SNRNP200: variants seen among roughly 807,000 people sequenced by gnomAD.
SNRNP200 encodes small nuclear ribonucleoprotein U5 subunit 200.
SNRNP200 carries 66 observed loss-of-function variants against 255.2 expected under a neutral mutation model. The observed-to-expected ratio is 0.26, with a 90% CI of 0.21 to 0.32. The LOEUF (loss-of-function observed/expected upper bound fraction) is 0.32. Among genes scored for constraint, SNRNP200 ranks in the 10% least tolerant of loss-of-function variants. SNRNP200 has a pLI of 1.00. For synonymous variants in SNRNP200, 939 were observed against 1,027.8 expected, an observed-to-expected ratio of 0.91 and a Z score of 1.65; for missense variants, 1,585 against 2,749.8, an observed-to-expected ratio of 0.58 and a Z score of 9.47.
intron 2 of SNRNP200, among the ~76,000 whole-genome samples, chr2:96,304,132 C>T (rs1205561960): frequency 6.6e-6 from 1 of 151,358 alleles, no homozygotes; most frequent in East Asian, 1.9e-4. Context: ...TCAAACTAAG[C>T]CTAGGAATTT....
Position 96,291,478 on chromosome 2 carries a change from G to A in SNRNP200, c.2335C>T (p.Pro779Ser), listed in dbSNP as rs745435693. 6.2e-7 allele frequency: 1 copy of A among 1,612,022 alleles called. No individual in the cohort carries two copies. Among genetic ancestry groups the A allele is most frequent in the South Asian group, 1.1e-5 (1 of 91,046 alleles). ...CKNLELKDLL[P>S]YGFAIHHAGM... Reference sequence around the variant, plus strand: ...GCGTGATGAATAGCAAAGCCATAAGGCAGAAGATCCTTCAGCTCTAGGTTC... The same window carrying A: ...GCGTGATGAATAGCAAAGCCATAAGACAGAAGATCCTTCAGCTCTAGGTTC... The change falls in exon 18 of 45, where the codon CCT becomes TCT. Residue 779 changes from proline (P) to serine (S), a missense_variant. Physicochemically the swap from Pro to Ser is moderately conservative, Grantham distance 74. Transcript: ENST00000323853. This position sits in a 1 kb window ranked among gnomAD's most constrained non-coding sequence, Gnocchi z 4.2.
chr2:96,293,247 C>G, intron 15 of SNRNP200, 69 bp downstream of exon 15: 1 of 1,581,446 alleles, frequency 6.3e-7, no homozygotes, highest in Non-Finnish European at 8.7e-7. Flanking sequence ...CCCAGTAGCA[C>G]TCCTTGGAAA....
chr2:96,284,024 GA>G lies in SNRNP200; in HGVS notation c.4393-21del. The G allele has an allele frequency of 3.1e-6, 3 of 980,552 alleles. No homozygotes were observed. The highest frequency in any genetic ancestry group is 4.8e-6 in the Non-Finnish European group (3 of 630,494). 60.7% of individuals were successfully genotyped at this position (980,552 alleles called of 1,614,324 possible). A position where few individuals can be genotyped will look rare whatever the true frequency, so the allele number is the denominator to read the frequency against. ...GACAGGCTGGAAAGAGGGAGGGAGG[GA>G]GGGTCACTGCAGGCCAAGGCTCCCA... On this transcript the variant is annotated intron_variant, in intron 31 of 44. Coordinates refer to ENST00000323853, the MANE Select transcript of SNRNP200 (RefSeq NM_014014.5).
rs1459944127 is a variant in SNRNP200, at chr2:96,283,937, A to G, written c.4460T>C (p.Ile1487Thr). Residue 1487 changes from isoleucine (I) to threonine (T), a missense_variant, in exon 32 of 45, where the codon ATT becomes ACT. Physicochemically the swap from Ile to Thr is moderately conservative, Grantham distance 89. Coordinates refer to ENST00000323853, the MANE Select transcript of SNRNP200 (RefSeq NM_014014.5). This position sits in a 1 kb window ranked among gnomAD's most constrained non-coding sequence, Gnocchi z 4.7. ...ISSQIERPIR[I>T]VALSSSLSNA... is the part of the protein sequence containing the mutation. Reference sequence around the variant, plus strand: ...GGAGAGCGAAGAGCTGAGTGCCACAATGCGAATGGGCCGCTCAATCTGGGA... The same window carrying G: ...GGAGAGCGAAGAGCTGAGTGCCACAGTGCGAATGGGCCGCTCAATCTGGGA... The G allele has an allele frequency of 3.2e-6, 5 of 1,580,188 alleles. No individual in the cohort carries two copies. The highest frequency in any genetic ancestry group is 2.7e-5 in the African/African-American group (2 of 73,644).
rs770247498 is a variant in SNRNP200 at position 96,297,542 on chromosome 2, A to C, written c.1204-6T>G. On this transcript the variant is annotated splice_polypyrimidine_tract_variant and splice_region_variant and intron_variant, in intron 10 of 44. Coordinates refer to ENST00000323853, the MANE Select transcript of SNRNP200 (RefSeq NM_014014.5). ...ACCTGCCGTGGAGCCAGTGCCTGGG[A>C]ATGTGAAAGACAAAAACACAAAGGA... The C allele has an allele frequency of 6.2e-7, 1 of 1,614,196 alleles. No homozygotes were observed. The highest frequency in any genetic ancestry group is 8.5e-7 in the Non-Finnish European group (1 of 1,180,030).
chr2:96,303,888 CAA>C (rs757964935), intron 2 of SNRNP200, among the ~76,000 whole-genome samples: 11 of 57,550 alleles, frequency 1.9e-4, no homozygotes, highest in Admixed American at 4.0e-4. Flanking sequence ...GATTCCGTCT[CAA>C]AAAAAAAAAA....
In SNRNP200 at chr2:96,298,705, G is replaced by A. The variant is rs755920856; in HGVS notation, c.883-3C>T. The stretch of plus-strand genomic sequence containing the variant: ...CATTCCCGATCATCACTGGCCGTCT[G>A]CAGAGAGCAGGTAACACCACCATTA... On this transcript the variant is annotated splice_region_variant and splice_polypyrimidine_tract_variant and intron_variant, in intron 7 of 44. Coordinates refer to ENST00000323853, the MANE Select transcript of SNRNP200 (RefSeq NM_014014.5). 1.9e-6 allele frequency: 3 copies of A among 1,614,044 alleles called. No individual in the cohort carries two copies. Among genetic ancestry groups the A allele is most frequent in the Admixed American group, 3.3e-5 (2 of 60,012 alleles).
rs2063981687 is a variant in SNRNP200, at chr2:96,305,429, A to G, written c.9T>C (p.Asp3=). 6.2e-7 allele frequency: 1 copy of G among 1,614,140 alleles called. No homozygotes were observed. Among genetic ancestry groups the G allele is most frequent in the Non-Finnish European group, 8.5e-7 (1 of 1,180,030 alleles). ...CGTATTGCAGACTACGGGCGGTTAC[A>G]TCCGCCATGGCCGCGGCTGCTCGGA... is the stretch of plus-strand genomic sequence containing the variant. MA[D]VTARSLQYEY... The change falls in exon 1 of 45, where the codon GAT becomes GAC. Residue 3 remains aspartate (D), a synonymous_variant. Coordinates refer to ENST00000323853, the MANE Select transcript of SNRNP200 (RefSeq NM_014014.5).
rs745483741 is a variant in SNRNP200 at position 96,286,947 on chromosome 2, G to C, written c.3639+59C>G. ...CTGAGTGCCTCCAATCCATCTCCTC[G>C]GCCCAGCAACGTAGACTGAGCACCT... On this transcript the variant is annotated intron_variant, in intron 27 of 44. Transcript: ENST00000323853. The surrounding 1 kb of genome is among the most constrained non-coding windows in gnomAD (Gnocchi z 4.8). 960 of 1,613,366 alleles carry C rather than the reference G, an allele frequency of 6.0e-4. 2 individuals carry two copies. Among genetic ancestry groups the C allele is most frequent in the Non-Finnish European group, 7.6e-4 (897 of 1,179,412 alleles).
chr2:96,291,044 C>G lies in SNRNP200; in HGVS notation c.2422-229G>C, dbSNP rs1475450314. The stretch of plus-strand genomic sequence containing the variant: ...AAGGTTCCAGAGGCACAAGTGCAGA[C>G]TTGTATTAAACAACCTTAAAGTTAC... On this transcript the variant is annotated intron_variant, in intron 18 of 44. Coordinates refer to ENST00000323853, the MANE Select transcript of SNRNP200 (RefSeq NM_014014.5). This position sits in a 1 kb window ranked among gnomAD's most constrained non-coding sequence, Gnocchi z 4.2. Among the ~76,000 whole-genome samples the G allele has an allele frequency of 2.6e-5, 4 of 152,144 alleles. No individual in the cohort carries two copies. Among genetic ancestry groups the G allele is most frequent in the African/African-American group, 7.2e-5 (3 of 41,436 alleles).
At chr2:96,301,818 A>G in intron 3 of SNRNP200, 102 bp from the exon 4 acceptor site, 1 of 1,163,192 alleles carries the variant, frequency 8.6e-7, no homozygotes, top group Non-Finnish European at 1.3e-6. Flanking sequence ...ACACCTCTTC[A>G]AAACCTGCCA....
At chr2:96,304,995 T>C in intron 1 of SNRNP200, 127 bp from the exon 2 acceptor site, 1 of 1,101,458 alleles carries the variant, frequency 9.1e-7, no homozygotes, top group African/African-American at 1.6e-5. Context: ...GTAATAAAAA[T>C]ATATTTTCCT....
intron 35 of SNRNP200, 99 bp downstream of exon 35, chr2:96,281,715 C>T (rs1684762587): frequency 6.0e-6 from 6 of 1,004,184 alleles, no homozygotes; most frequent in South Asian, 1.3e-5. Flanking sequence ...ACTTCCCTAA[C>T]ACCTTTTCTT....
Position 96,277,903 on chromosome 2 carries a change from A to G in SNRNP200, c.5658T>C (p.Asp1886=), listed in dbSNP as rs757860247. The part of the protein sequence containing the change: ...PHKLNNPKFN[D]PHVKTNLLLQ... ...GGAGCAGGTTGGTCTTGACGTGCGG[A>G]TCATTGAACTTAGGGTTATTCAGCT... is the stretch of plus-strand genomic sequence containing the variant. The change falls in exon 40 of 45, where the codon GAT becomes GAC. Residue 1886 remains aspartate (D), a synonymous_variant. Coordinates refer to ENST00000323853, the MANE Select transcript of SNRNP200 (RefSeq NM_014014.5). This position sits in a 1 kb window ranked among gnomAD's most constrained non-coding sequence, Gnocchi z 4.4. 1.2e-6 allele frequency: 2 copies of G among 1,614,236 alleles called. No individual in the cohort carries two copies. Among genetic ancestry groups the G allele is most frequent in the Admixed American group, 3.3e-5 (2 of 60,024 alleles).
At chr2:96,300,473 T>C (rs995602566) in intron 5 of SNRNP200, among the ~76,000 whole-genome samples, 1 of 152,178 alleles carries the variant, frequency 6.6e-6, no homozygotes, top group Non-Finnish European at 1.5e-5. Flanking sequence ...TAAATAATTA[T>C]ATTGTGGCCG....
intron 29 of SNRNP200, 151 bp from the exon 30 acceptor site, chr2:96,285,491 C>G: frequency 1.2e-6 from 1 of 814,724 alleles, no homozygotes. Flanking sequence ...ATCCAAGCCT[C>G]TAACTCCAGG....
chr2:96,303,165 C>T lies in SNRNP200; in HGVS notation c.375G>A (p.Gly125=), dbSNP rs777404377. ...VLLSFIQAAL[G]DQPRDILCGA... ...TTCACAATATCACACTCACCTGGTC[C>T]CCAAGAGCAGCCTGGATGAAGCTGA... Residue 125 remains glycine (G), a synonymous_variant, in exon 3 of 45, where the codon GGG becomes GGA. Coordinates refer to ENST00000323853, the MANE Select transcript of SNRNP200 (RefSeq NM_014014.5). 6.2e-7 allele frequency: 1 copy of T among 1,613,994 alleles called. No individual in the cohort carries two copies. Among genetic ancestry groups the T allele is most frequent in the Non-Finnish European group, 8.5e-7 (1 of 1,180,020 alleles).
In SNRNP200 at chr2:96,297,540, G is replaced by A. The variant is rs746371833; in HGVS notation, c.1204-4C>T. 23 of 1,614,116 alleles carry A rather than the reference G, an allele frequency of 1.4e-5. No individual in the cohort carries two copies. The highest frequency in any genetic ancestry group is 1.7e-5 in the Non-Finnish European group (20 of 1,180,016). On this transcript the variant is annotated splice_polypyrimidine_tract_variant and splice_region_variant and intron_variant, in intron 10 of 44. Coordinates refer to ENST00000323853, the MANE Select transcript of SNRNP200 (RefSeq NM_014014.5). ...GAACCTGCCGTGGAGCCAGTGCCTGGGAATGTGAAAGACAAAAACACAAAG... is the reference window on the plus strand; with the variant it reads ...GAACCTGCCGTGGAGCCAGTGCCTGAGAATGTGAAAGACAAAAACACAAAG...
At chr2:96,284,635 C>T in intron 30 of SNRNP200, 50 bp from the exon 31 acceptor site, 1 of 1,321,564 alleles carries the variant, frequency 7.6e-7, no homozygotes, top group Non-Finnish European at 1.1e-6. Flanking sequence ...TACCAGGCAT[C>T]TTTCACTTAT....
Sources: gnomAD v4.1 joint callset for allele counts (sites outside exome capture counted in the v4.1 genomes callset) on GRCh38, gnomAD v4.1.1 for gene constraint, Gnocchi (gnomAD v3.1) non-coding constraint, MANE v1.5 for transcripts, NCBI Gene and HGNC (gene_info 2026-07-23, HGNC 2026-07-21) for gene names.